ZNF131: variants seen among roughly 807,000 people sequenced by gnomAD.
ZNF131 encodes the protein zinc finger and BTB domain containing 35, also known as zinc finger protein 131.
A neutral mutation model predicts 60.0 loss-of-function variants in ZNF131; 7 were observed. That is an observed-to-expected ratio of 0.12 (90% confidence interval 0.07 to 0.22). ZNF131 has a LOEUF of 0.22. Ranked by LOEUF, ZNF131 falls within the 10% of genes least tolerant of loss-of-function variation. The pLI, the probability that ZNF131 is intolerant of heterozygous loss-of-function variation, is 1.00. For synonymous variants in ZNF131, 257 were observed against 253.2 expected, an observed-to-expected ratio of 1.01 and a Z score of -0.14; for missense variants, 493 against 740.9, an observed-to-expected ratio of 0.67 and a Z score of 3.88.
intron 3 of ZNF131, among the ~76,000 whole-genome samples, chr5:43,136,644 CTTTTTCTTTTTT>C (rs1746148040): frequency 1.6e-5 from 2 of 126,342 alleles, no homozygotes; most frequent in East Asian, 2.8e-4. Context: ...TTTCTTTTTT[CTTTTTCTTTTTT>C]TTTTTTTTTT....
At chr5:43,166,716 C>T (rs1365944867) in intron 5 of ZNF131, among the ~76,000 whole-genome samples, 3 of 149,574 alleles carry the variant, frequency 2.0e-5, no homozygotes, top group African/African-American at 4.9e-5. Flanking sequence ...AGTGCAGTGG[C>T]GTGATCTCGG....
intron 5 of ZNF131, among the ~76,000 whole-genome samples, chr5:43,170,884 C>G (rs1049964005): frequency 1.3e-5 from 2 of 151,210 alleles, no homozygotes; most frequent in African/African-American, 4.9e-5. Context: ...ATCCACCCGA[C>G]TCAGTCTCCC....
Position 43,143,924 on chromosome 5 carries a change from T to A in ZNF131, c.371+4615T>A, listed in dbSNP as rs1444206063. Reference sequence around the variant, plus strand: ...TTTTTTTTTTTTTTTTTTTTTTTTTTTTTTTTTTTTTTCCTTGAGACGGAG... The same window carrying A: ...TTTTTTTTTTTTTTTTTTTTTTTTTATTTTTTTTTTTTCCTTGAGACGGAG... On this transcript the variant is annotated intron_variant, in intron 4 of 6. Transcript: ENST00000682664. 2.4e-5 allele frequency among the ~76,000 whole-genome samples: 3 copies of A among 124,260 alleles called. No individual in the cohort carries two copies. In the East Asian group the frequency reaches 7.0e-4, roughly 29 times the overall value. The allele number at this position is 124,260 out of a possible 152,430, so 81.5% of individuals were successfully genotyped here. A position where few individuals can be genotyped will look rare whatever the true frequency, so the allele number is the denominator to read the frequency against.
chr5:43,137,757 G>T (rs1746311964), intron 3 of ZNF131, among the ~76,000 whole-genome samples: 1 of 152,124 alleles, frequency 6.6e-6, no homozygotes, highest in African/African-American at 2.4e-5. Context: ...CTGAAATCAG[G>T]ATCTTGAAGT....
At chr5:43,143,274 G>T in intron 4 of ZNF131, 2 of 725,666 alleles carry the variant, frequency 2.8e-6, no homozygotes, top group Non-Finnish European at 3.6e-6. Context: ...GCCCGCCTCT[G>T]CCTCCCAAAG....
chr5:43,147,821 G>A lies in ZNF131; in HGVS notation c.371+8512G>A, dbSNP rs182072153. Among the ~76,000 whole-genome samples, 307 of 151,648 alleles carry A rather than the reference G, an allele frequency of 2.0e-3. 13 individuals are homozygous for A. The highest frequency in any genetic ancestry group is 0.019 in the Admixed American group (291 of 15,226). On this transcript the variant is annotated intron_variant, in intron 4 of 6. Coordinates refer to ENST00000682664, the MANE Select transcript of ZNF131 (RefSeq NM_001330707.2). ...TGTAATCACAGCACTTTGGGATGCC[G>A]AGGCAGGTGGATCACCTGAGGTCAC... is the stretch of plus-strand genomic sequence containing the variant.
chr5:43,155,712 G>C (rs561224998), intron 4 of ZNF131, among the ~76,000 whole-genome samples: 109 of 152,286 alleles, frequency 7.2e-4, no homozygotes, highest in Non-Finnish European at 1.1e-3. Flanking sequence ...GAGTCCAGTA[G>C]GATACTGGGC....
chr5:43,171,713 C>T (rs186204816), intron 5 of ZNF131, among the ~76,000 whole-genome samples: 1 of 152,272 alleles, frequency 6.6e-6, no homozygotes, highest in East Asian at 1.9e-4. Context: ...ACTTCTGCCT[C>T]ACCGGTTCAA....
intron 3 of ZNF131, among the ~76,000 whole-genome samples, chr5:43,128,498 AC>A (rs1480268509): frequency 1.3e-5 from 2 of 151,932 alleles, no homozygotes; most frequent in Non-Finnish European, 2.9e-5. Context: ...TACTAAAAAT[AC>A]AAAAAAAATT....
At chr5:43,173,202 TCTC>T in intron 5 of ZNF131, 113 bp from the exon 6 acceptor site, 1 of 1,094,812 alleles carries the variant, frequency 9.1e-7, no homozygotes, top group Admixed American at 3.0e-5. Context: ...AATTGTGATT[TCTC>T]CTTTTAGGAA....
intron 4 of ZNF131, among the ~76,000 whole-genome samples, chr5:43,150,528 G>A (rs1219895559): frequency 6.6e-6 from 1 of 151,872 alleles, no homozygotes; most frequent in Non-Finnish European, 1.5e-5. Flanking sequence ...GGTGGCTCAT[G>A]CCTGTAATCC....
At chr5:43,165,024 C>T (rs1342045238) in intron 5 of ZNF131, among the ~76,000 whole-genome samples, 1 of 152,168 alleles carries the variant, frequency 6.6e-6, no homozygotes, top group African/African-American at 2.4e-5. Flanking sequence ...GATCATGGCT[C>T]ACTGCAGTCT....
At chr5:43,145,338 A>G (rs1021918587) in intron 4 of ZNF131, among the ~76,000 whole-genome samples, 7 of 152,130 alleles carry the variant, frequency 4.6e-5, no homozygotes, top group Admixed American at 2.0e-4. Flanking sequence ...AGTTAAGACA[A>G]GCATAAGAAA....
At chr5:43,142,994 C>A (rs1050446666) in intron 4 of ZNF131, among the ~76,000 whole-genome samples, 2 of 151,774 alleles carry the variant, frequency 1.3e-5, no homozygotes, top group African/African-American at 4.8e-5. Flanking sequence ...CCATACTTGG[C>A]CAGACATGGT....
At chr5:43,138,604 A>G (rs1746427779) in intron 3 of ZNF131, among the ~76,000 whole-genome samples, 4 of 152,180 alleles carry the variant, frequency 2.6e-5, no homozygotes, top group Admixed American at 2.6e-4. Context: ...AGCCAAGATC[A>G]CTGTATTGCA....
rs537787781 is a variant in ZNF131 at position 43,142,176 on chromosome 5, C to A, written c.371+2867C>A. Among the ~76,000 whole-genome samples, 7 of 151,552 alleles carry A rather than the reference C, an allele frequency of 4.6e-5. No individual in the cohort carries two copies. The South Asian group carries it at 1.5e-3, about 32-fold the overall frequency. ...CCAAGACGGTGAAACCCCATCTCTA[C>A]TAAAAATACAAAAAAAATTAGCCAG... is the stretch of plus-strand genomic sequence containing the variant. On this transcript the variant is annotated intron_variant, in intron 4 of 6. Transcript: ENST00000682664.
intron 3 of ZNF131, among the ~76,000 whole-genome samples, chr5:43,136,046 TG>T: frequency 6.6e-6 from 1 of 151,886 alleles, no homozygotes; most frequent in East Asian, 1.9e-4. Context: ...ACCCGGGAGG[TG>T]GTGGTTGCGG....
intron 3 of ZNF131, among the ~76,000 whole-genome samples, chr5:43,135,295 A>G (rs978441549): frequency 6.6e-6 from 1 of 150,964 alleles, no homozygotes; most frequent in Non-Finnish European, 1.5e-5. Flanking sequence ...GCGCCCGGCC[A>G]TCAATTGCAT....
At chr5:43,166,242 G>T (rs937553020) in intron 5 of ZNF131, among the ~76,000 whole-genome samples, 1 of 152,254 alleles carries the variant, frequency 6.6e-6, no homozygotes, top group Non-Finnish European at 1.5e-5. Context: ...TACCTTTTCA[G>T]TCACAACTTA....
Sources: gnomAD v4.1 joint callset for allele counts (sites outside exome capture counted in the v4.1 genomes callset) on GRCh38, gnomAD v4.1.1 for gene constraint, MANE v1.5 for transcripts, NCBI Gene and HGNC (gene_info 2026-07-23, HGNC 2026-07-21) for gene names.